The following EFHC2 variants were observed in gnomAD, a reference collection of about 807,000 sequenced individuals.
EFHC2 encodes EF-hand domain containing 2.
Under a neutral mutation model 52.7 loss-of-function variants are expected in EFHC2, and 18 were observed. The observed-to-expected ratio is 0.34, with a 90% CI of 0.24 to 0.51. The LOEUF (loss-of-function observed/expected upper bound fraction) is 0.51, where lower values mean the gene tolerates loss of function less well. Among genes scored for constraint, EFHC2 ranks in the 20% least tolerant of loss-of-function variants. The pLI is 0.97. For missense variants in EFHC2, 513 were observed against 562.5 expected, an observed-to-expected ratio of 0.91 and a Z score of 0.89; for synonymous variants, 203 against 204.1, an observed-to-expected ratio of 0.99 and a Z score of 0.04.
intron 11 of EFHC2, among the ~76,000 whole-genome samples, chrX:44,219,661 T>C (rs772979383): frequency 8.9e-6 from 1 of 112,053 alleles, no homozygotes; most frequent in South Asian, 3.7e-4. Flanking sequence ...GCTAATTTGA[T>C]AGGAATTTGA....
chrX:44,290,366 A>G (rs781203718), intron 2 of EFHC2, among the ~76,000 whole-genome samples: 35 of 111,858 alleles, frequency 3.1e-4, no homozygotes, highest in African/African-American at 1.1e-3. Flanking sequence ...TTTGTATTAT[A>G]TACTTCCTTA....
intron 2 of EFHC2, among the ~76,000 whole-genome samples, chrX:44,283,236 G>A (rs1279122079): frequency 1.8e-5 from 2 of 111,759 alleles, no homozygotes; most frequent in African/African-American, 6.5e-5. Flanking sequence ...AGGCTGGAGT[G>A]CAGTGGTACG....
chrX:44,318,714 A>G (rs2037997874), intron 1 of EFHC2, among the ~76,000 whole-genome samples: 1 of 111,478 alleles, frequency 9.0e-6, no homozygotes, highest in Admixed American at 9.5e-5. Flanking sequence ...GATTTGTCTC[A>G]ACTAGATGAC....
chrX:44,197,045 T>C (rs1241401493), intron 11 of EFHC2, among the ~76,000 whole-genome samples: 1 of 112,227 alleles, frequency 8.9e-6, no homozygotes, highest in Non-Finnish European at 1.9e-5. Flanking sequence ...GGAATAATAA[T>C]AGTGCCCACT....
chrX:44,270,519 T>C (rs1439389847), intron 3 of EFHC2, among the ~76,000 whole-genome samples: 1 of 111,681 alleles, frequency 9.0e-6, no homozygotes, highest in Non-Finnish European at 1.9e-5. Flanking sequence ...TAGGTAGGTA[T>C]GCTAAGTAGA....
At chrX:44,151,061 G>T (rs902278642) in intron 14 of EFHC2, among the ~76,000 whole-genome samples, 1 of 110,298 alleles carries the variant, frequency 9.1e-6, no homozygotes, top group Non-Finnish European at 1.9e-5. Context: ...ACCAAGGAAC[G>T]CCAAAGATTG....
At position 44,224,471 on chromosome X, in the gene EFHC2, T is replaced by A. The variant is rs899226253; in HGVS notation, c.1751+5178A>T. 3.8e-4 allele frequency among the ~76,000 whole-genome samples: 43 copies of A among 112,302 alleles called. 1 individual carries two copies. Among genetic ancestry groups the A allele is most frequent in the Non-Finnish European group, 2.3e-4 (12 of 53,298 alleles). On this transcript the variant is annotated intron_variant, in intron 11 of 14. Coordinates refer to ENST00000420999, the MANE Select transcript of EFHC2 (RefSeq NM_025184.4). ...AGAGAGCCAAGAGCTAGATCTGGGTTTGCCAACTCCAAAACCAGTGATAAG... is the reference window on the plus strand; with the variant it reads ...AGAGAGCCAAGAGCTAGATCTGGGTATGCCAACTCCAAAACCAGTGATAAG...
intron 2 of EFHC2, among the ~76,000 whole-genome samples, chrX:44,276,910 G>T (rs190162501): frequency 2.7e-5 from 3 of 111,732 alleles, no homozygotes; most frequent in Non-Finnish European, 1.9e-5. Flanking sequence ...GGCTGATGTG[G>T]CCAATACGTG....
intron 13 of EFHC2, among the ~76,000 whole-genome samples, chrX:44,175,149 G>A (rs2036776516): frequency 8.9e-6 from 1 of 112,114 alleles, no homozygotes; most frequent in Non-Finnish European, 1.9e-5. Flanking sequence ...TAAAGAGCTG[G>A]TCCTTCCTTA....
intron 1 of EFHC2, among the ~76,000 whole-genome samples, chrX:44,329,642 C>T (rs1388711654): frequency 9.2e-6 from 1 of 109,116 alleles, no homozygotes; most frequent in African/African-American, 3.3e-5. Flanking sequence ...AAACACTGTC[C>T]CCCAGGATAC....
At chrX:44,243,585 C>T (rs1304523884) in intron 7 of EFHC2, among the ~76,000 whole-genome samples, 1 of 111,744 alleles carries the variant, frequency 8.9e-6, no homozygotes, top group Admixed American at 9.5e-5. Context: ...TTGTTGAAAA[C>T]ATTTTCAGCT....
chrX:44,184,578 T>C (rs1224420974), intron 11 of EFHC2, among the ~76,000 whole-genome samples: 2 of 110,484 alleles, frequency 1.8e-5, no homozygotes, highest in African/African-American at 6.6e-5. Context: ...CAAAAATTAG[T>C]CGGGCATGGT....
rs183156315 is a variant in EFHC2 at position 44,208,566 on chromosome X, A to G, written c.1751+21083T>C. ...TGTTCACTATTTGGGTGACAAGGTC[A>G]GTAGAAGCCCAGACCCCAGCATTAT... On this transcript the variant is annotated intron_variant, in intron 11 of 14. Transcript: ENST00000420999. Among the ~76,000 whole-genome samples, 3 of 111,707 alleles carry G rather than the reference A, an allele frequency of 2.7e-5. No homozygotes were observed. The East Asian group carries it at 8.5e-4, about 32-fold the overall frequency.
chrX:44,304,768 C>T (rs1025922535), intron 2 of EFHC2, among the ~76,000 whole-genome samples: 4 of 108,385 alleles, frequency 3.7e-5, no homozygotes, highest in South Asian at 4.1e-4. Flanking sequence ...CCCAATGCTA[C>T]GGGTTTTAAG....
At chrX:44,212,868 T>C (rs2037111045) in intron 11 of EFHC2, among the ~76,000 whole-genome samples, 2 of 109,084 alleles carry the variant, frequency 1.8e-5, no homozygotes, top group African/African-American at 6.7e-5. Flanking sequence ...TGAGCCACCA[T>C]GCCAGGCTGA....
chrX:44,164,265 A>G, intron 13 of EFHC2, among the ~76,000 whole-genome samples: 1 of 112,336 alleles, frequency 8.9e-6, no homozygotes, highest in Non-Finnish European at 1.9e-5. Context: ...GGCACTTAGT[A>G]GGTGTTCAAT....
chrX:44,311,843 A>G (rs759248889), intron 2 of EFHC2, among the ~76,000 whole-genome samples: 1 of 105,913 alleles, frequency 9.4e-6, no homozygotes, highest in African/African-American at 3.6e-5. Flanking sequence ...GCATTTTTCT[A>G]TTCCTATTTA....
chrX:44,224,944 A>G (rs1191307517), intron 11 of EFHC2, among the ~76,000 whole-genome samples: 2 of 111,620 alleles, frequency 1.8e-5, no homozygotes, highest in Non-Finnish European at 3.8e-5. Context: ...CCTGTGGTTC[A>G]GAGTCCAGGG....
intron 1 of EFHC2, among the ~76,000 whole-genome samples, chrX:44,322,389 T>C (rs1602217480): frequency 1.8e-5 from 2 of 112,456 alleles, no homozygotes; most frequent in Admixed American, 9.4e-5. Context: ...CTGTGGATTA[T>C]TTTCAAACAA....
Sources: allele counts gnomAD v4.1 joint callset (sites outside exome capture counted in the v4.1 genomes callset), GRCh38; gene constraint gnomAD v4.1.1; transcripts MANE v1.5; gene names NCBI Gene and HGNC (gene_info 2026-07-23, HGNC 2026-07-21).